Variants in PSD3 observed in about 807,000 individuals in gnomAD.
PSD3 encodes pleckstrin and Sec7 domain containing 3.
In PSD3, 49 loss-of-function variants were observed where a neutral mutation model predicts 105.5. That is an observed-to-expected ratio of 0.46 (90% confidence interval 0.37 to 0.59). PSD3 has a LOEUF of 0.59. Among genes scored for constraint, PSD3 ranks in the 20% least tolerant of loss-of-function variants. The probability of loss-of-function intolerance (pLI) is 0.00; values close to 1 mark genes in which losing one functional copy is unlikely to be tolerated. For missense variants in PSD3, 1,561 were observed against 1,263.8 expected, an observed-to-expected ratio of 1.24 and a Z score of -3.57; for synonymous variants, 557 against 457.8, an observed-to-expected ratio of 1.22 and a Z score of -2.77.
At chr8:18,975,587 A>T (rs1824902359) in intron 1 of PSD3, among the ~76,000 whole-genome samples, 2 of 152,224 alleles carry the variant, frequency 1.3e-5, no homozygotes, top group African/African-American at 2.4e-5. Flanking sequence ...ATAAAGGTTG[A>T]CTTATGATAG....
intron 9 of PSD3, among the ~76,000 whole-genome samples, chr8:18,697,106 C>T (rs1331278459): frequency 6.6e-6 from 1 of 152,110 alleles, no homozygotes; most frequent in Non-Finnish European, 1.5e-5. Flanking sequence ...GAAGTTATTT[C>T]AACATGTAAT....
chr8:18,770,604 G>C (rs545229787), intron 8 of PSD3, among the ~76,000 whole-genome samples: 2 of 152,292 alleles, frequency 1.3e-5, no homozygotes, highest in South Asian at 4.1e-4. Context: ...ACGGCAGCTC[G>C]GGCAAATGCC....
intron 9 of PSD3, among the ~76,000 whole-genome samples, chr8:18,704,742 T>G (rs369867874): frequency 1.3e-5 from 2 of 152,142 alleles, no homozygotes; most frequent in African/African-American, 4.8e-5. Context: ...TCTGCCTTCC[T>G]ACAACATTCA....
rs558864303 is a variant in PSD3 at position 18,903,785 on chromosome 8, T to C, written c.131-31052A>G. On this transcript the variant is annotated intron_variant, in intron 2 of 15. Coordinates refer to ENST00000327040, the MANE Select transcript of PSD3 (RefSeq NM_015310.4). ...CTGCTTCAGCTTAGGTACTAGGATA[T>C]AGGACCTTTCTGGGGGGCCAAGGCA... Among the ~76,000 whole-genome samples, 18 of 152,216 alleles carry C rather than the reference T, an allele frequency of 1.2e-4. No homozygotes were observed. The South Asian group carries it at 2.5e-3, about 21-fold the overall frequency.
At position 18,809,559 on chromosome 8, in the gene PSD3, C is replaced by A. The variant is rs368240245; in HGVS notation, c.1635-4661G>T. Among the ~76,000 whole-genome samples the A allele has an allele frequency of 2.0e-5, 3 of 152,336 alleles. No homozygotes were observed. In the East Asian group the frequency reaches 5.8e-4, roughly 29 times the overall value. ...GTCTAGTGTAAGTACGTCCCAAATA[C>A]TGCACAGGACATACTTATACAAAAA... On this transcript the variant is annotated intron_variant, in intron 4 of 15. Transcript: ENST00000327040.
intron 9 of PSD3, among the ~76,000 whole-genome samples, chr8:18,750,930 C>T (rs762694970): frequency 9.9e-5 from 15 of 152,062 alleles, no homozygotes; most frequent in Admixed American, 3.9e-4. Flanking sequence ...CTGAGTTAGA[C>T]ATAAAGACTC....
intron 1 of PSD3, among the ~76,000 whole-genome samples, chr8:19,074,952 AT>A (rs71218924): frequency 0.022 from 3,041 of 138,518 alleles, 104 homozygotes; most frequent in African/African-American, 0.076. Context: ...ATTAATTACT[AT>A]TTTTTTTTTT....
At chr8:18,578,224 C>A (rs1403801100) in intron 12 of PSD3, among the ~76,000 whole-genome samples, 2 of 152,046 alleles carry the variant, frequency 1.3e-5, no homozygotes, top group East Asian at 3.8e-4. Context: ...CTTTTCTTAG[C>A]CATCCATTTA....
chr8:18,939,803 C>T (rs747604249), intron 1 of PSD3, among the ~76,000 whole-genome samples: 1 of 152,160 alleles, frequency 6.6e-6, no homozygotes, highest in Non-Finnish European at 1.5e-5. Context: ...CAACTTATGA[C>T]CCATTAGTGG....
Position 18,533,365 on chromosome 8 carries a change from A to T in PSD3, c.*2378T>A, listed in dbSNP as rs528159083. On this transcript the variant is annotated 3_prime_UTR_variant, in exon 16 of 16. Coordinates refer to ENST00000327040, the MANE Select transcript of PSD3 (RefSeq NM_015310.4). Reference sequence around the variant, plus strand: ...AGTTGTTTTTAAAGATAAACTATGCAAACATGGTATACTGAAGCTTCAAAA... The same window carrying T: ...AGTTGTTTTTAAAGATAAACTATGCTAACATGGTATACTGAAGCTTCAAAA... The T allele has an allele frequency of 2.6e-5, 4 of 152,356 alleles. No homozygotes were observed. The South Asian group carries it at 8.3e-4, about 32-fold the overall frequency. 9.4% of individuals were successfully genotyped at this position (152,356 alleles called of 1,614,324 possible). A position where few individuals can be genotyped will look rare whatever the true frequency, so the allele number is the denominator to read the frequency against.
intron 9 of PSD3, among the ~76,000 whole-genome samples, chr8:18,714,722 C>G (rs149184574): frequency 1.5e-4 from 23 of 152,288 alleles, no homozygotes; most frequent in African/African-American, 5.5e-4. Flanking sequence ...GACAGTGTGG[C>G]AATTCCTCAA....
chr8:18,830,156 G>T (rs1813564840), intron 4 of PSD3, among the ~76,000 whole-genome samples: 1 of 152,044 alleles, frequency 6.6e-6, no homozygotes. Context: ...TGGTCAGGCT[G>T]GTCTTGAACT....
chr8:19,056,601 A>C (rs536118227), intron 1 of PSD3, among the ~76,000 whole-genome samples: 4 of 152,302 alleles, frequency 2.6e-5, no homozygotes, highest in Admixed American at 2.6e-4. Context: ...GCTCCAAACT[A>C]CATATTATGT....
intron 4 of PSD3, among the ~76,000 whole-genome samples, chr8:18,862,925 A>G (rs890962904): frequency 5.3e-5 from 8 of 152,014 alleles, no homozygotes; most frequent in East Asian, 1.9e-4. Context: ...ACAAATATCA[A>G]ATTCAGAGTG....
intron 4 of PSD3, among the ~76,000 whole-genome samples, chr8:18,845,442 T>C (rs1003246053): frequency 6.6e-6 from 1 of 152,142 alleles, no homozygotes; most frequent in Non-Finnish European, 1.5e-5. Context: ...CATCAGTCCT[T>C]CACTCGTCAC....
intron 4 of PSD3, among the ~76,000 whole-genome samples, chr8:18,823,095 CA>C (rs893320102): frequency 1.2e-4 from 5 of 41,630 alleles, no homozygotes; most frequent in African/African-American, 2.9e-4. Flanking sequence ...AATGGAGAGA[CA>C]GGAAAAAAAA....
chr8:18,563,664 TG>T (rs1801542538), intron 14 of PSD3, among the ~76,000 whole-genome samples: 1 of 152,152 alleles, frequency 6.6e-6, no homozygotes, highest in Admixed American at 6.5e-5. Flanking sequence ...TTTAATTACT[TG>T]TTTTATTGGG....
In PSD3 at chr8:18,532,084, C is replaced by G. The variant is rs1799656586; in HGVS notation, c.*3659G>C. 1 of 152,198 alleles carries G rather than the reference C, an allele frequency of 6.6e-6. No homozygotes were observed. Among genetic ancestry groups the G allele is most frequent in the South Asian group, 2.1e-4 (1 of 4,828 alleles). 9.4% of individuals were successfully genotyped at this position (152,198 alleles called of 1,614,324 possible). On this transcript the variant is annotated 3_prime_UTR_variant, in exon 16 of 16. Coordinates refer to ENST00000327040, the MANE Select transcript of PSD3 (RefSeq NM_015310.4). ...TAAGACAATGGAGAAACTTCTTTAA[C>G]GTCAATTTTCTTCCAATTGTCAATG...
intron 1 of PSD3, among the ~76,000 whole-genome samples, chr8:19,067,927 G>A (rs1212469937): frequency 6.6e-6 from 1 of 152,120 alleles, no homozygotes; most frequent in African/African-American, 2.4e-5. Flanking sequence ...AATTTCCAAC[G>A]TGGGACCCTT....
Sources: allele counts gnomAD v4.1 joint callset (sites outside exome capture counted in the v4.1 genomes callset), GRCh38; gene constraint gnomAD v4.1.1; transcripts MANE v1.5; gene names NCBI Gene and HGNC (gene_info 2026-07-23, HGNC 2026-07-21).